Variants in TASP1 observed in about 807,000 individuals in gnomAD.
TASP1 encodes taspase 1, also known as threonine aspartase 1.
Under a neutral mutation model 56.6 loss-of-function variants are expected in TASP1, and 16 were observed. That is an observed-to-expected ratio of 0.28 (90% confidence interval 0.19 to 0.43). The LOEUF is 0.43. Ranked by LOEUF, TASP1 falls within the 20% of genes least tolerant of loss-of-function variation. The pLI, the probability that TASP1 is intolerant of heterozygous loss-of-function variation, is 1.00. For missense variants in TASP1, 393 were observed against 511.6 expected (o/e 0.77, Z 2.24); for synonymous variants, 179 against 184.2 (o/e 0.97, Z 0.23).
intron 8 of TASP1, among the ~76,000 whole-genome samples, chr20:13,550,467 T>C (rs1207335194): frequency 6.6e-6 from 1 of 152,030 alleles, no homozygotes; most frequent in Non-Finnish European, 1.5e-5. Flanking sequence ...ATTTTCAGTA[T>C]ATTACCTACA....
chr20:13,179,406 C>CATGTGTGTGTGTGTGT, the TASP1 span, among the ~76,000 whole-genome samples: 3 of 143,404 alleles, frequency 2.1e-5, no homozygotes, highest in African/African-American at 7.7e-5. Context: ...GAATTATGTG[C>CATGTGTGTGTGTGTGT]GTGTGTGTGT....
chr20:13,422,356 A>G lies in TASP1; in HGVS notation c.1097-4835T>C, dbSNP rs1373852507. On this transcript the variant is annotated intron_variant, in intron 12 of 13. Coordinates refer to ENST00000337743, the MANE Select transcript of TASP1 (RefSeq NM_017714.3). ...TCTTTGGCTTTCAAGTTACACAATAATGCTGTCCTCTATGCTTTTTTTATT... is the reference window on the plus strand; with the variant it reads ...TCTTTGGCTTTCAAGTTACACAATAGTGCTGTCCTCTATGCTTTTTTTATT... Among the ~76,000 whole-genome samples, 5 of 152,250 alleles carry G rather than the reference A, an allele frequency of 3.3e-5. No homozygotes were observed. The East Asian group carries it at 9.6e-4, about 29-fold the overall frequency.
chr20:13,266,343 A>G, the TASP1 span, among the ~76,000 whole-genome samples: 12 of 152,202 alleles, frequency 7.9e-5, no homozygotes, highest in Non-Finnish European at 1.5e-4. Flanking sequence ...TAATAGAAGG[A>G]GAGGAGCACC....
intron 11 of TASP1, among the ~76,000 whole-genome samples, chr20:13,437,311 C>T (rs2043038872): frequency 1.3e-5 from 2 of 152,136 alleles, no homozygotes; most frequent in Admixed American, 1.3e-4. Context: ...TTCAACAACG[C>T]TTCATGCTAA....
the TASP1 span, chr20:13,159,873 C>T: frequency 5.6e-6 from 7 of 1,246,618 alleles, no homozygotes; most frequent in African/African-American, 1.1e-4. Flanking sequence ...CAATCATCTT[C>T]CACTTATTAT....
At chr20:13,221,841 C>T in the TASP1 span, 4 of 1,443,200 alleles carry the variant, frequency 2.8e-6, no homozygotes, top group East Asian at 3.0e-5. Flanking sequence ...CTGCACATCA[C>T]CGTGCTGCGC....
chr20:13,173,466 G>A, the TASP1 span, among the ~76,000 whole-genome samples: 1 of 152,144 alleles, frequency 6.6e-6, no homozygotes, highest in Non-Finnish European at 1.5e-5. Context: ...AGTTCCTCAG[G>A]AAAGATATGC....
chr20:13,452,835 C>T (rs2146301381), intron 11 of TASP1, among the ~76,000 whole-genome samples: 1 of 152,126 alleles, frequency 6.6e-6, no homozygotes, highest in South Asian at 2.1e-4. Context: ...AGTCACAGCT[C>T]TTGACTATTT....
chr20:13,379,758 G>A, the TASP1 span, among the ~76,000 whole-genome samples: 1 of 151,970 alleles, frequency 6.6e-6, no homozygotes, highest in African/African-American at 2.4e-5. Flanking sequence ...ATATTTCTTG[G>A]AGGCTTTGTT....
At chr20:13,288,128 G>A in the TASP1 span, among the ~76,000 whole-genome samples, 124 of 152,298 alleles carry the variant, frequency 8.1e-4, no homozygotes, top group Admixed American at 2.4e-3. Context: ...TTAAGGTCAA[G>A]GCCAGCCCAG....
chr20:13,163,143 G>A, the TASP1 span, among the ~76,000 whole-genome samples: 28 of 152,146 alleles, frequency 1.8e-4, no homozygotes, highest in African/African-American at 5.8e-4. Context: ...TGAGGTGGGC[G>A]GATGACCTGA....
chr20:13,154,125 C>T, the TASP1 span: 1 of 1,614,032 alleles, frequency 6.2e-7, no homozygotes, highest in Non-Finnish European at 8.5e-7. Flanking sequence ...TCTTTATATG[C>T]CTGGTAAAGT....
At chr20:13,610,508 C>G (rs2048315898) in intron 4 of TASP1, among the ~76,000 whole-genome samples, 1 of 152,056 alleles carries the variant, frequency 6.6e-6, no homozygotes, top group South Asian at 2.1e-4. Context: ...AAGCTGTCCC[C>G]TTAAAATAAA....
chr20:13,435,879 C>T (rs901975864), intron 11 of TASP1, among the ~76,000 whole-genome samples: 2 of 152,132 alleles, frequency 1.3e-5, no homozygotes, highest in Non-Finnish European at 2.9e-5. Context: ...CAAAACCAAT[C>T]AAATTGGATT....
At chr20:13,283,218 A>G in the TASP1 span, among the ~76,000 whole-genome samples, 1 of 152,136 alleles carries the variant, frequency 6.6e-6, no homozygotes, top group African/African-American at 2.4e-5. Context: ...GTCAACAGGA[A>G]ACTTCAAGCA....
chr20:13,542,473 A>C (rs2045659756), intron 8 of TASP1, among the ~76,000 whole-genome samples: 1 of 152,220 alleles, frequency 6.6e-6, no homozygotes, highest in East Asian at 1.9e-4. Flanking sequence ...AGCAAGAAAA[A>C]TCAGTAAGAA....
At chr20:13,452,051 T>TACACATTTA (rs2043641832) in intron 11 of TASP1, among the ~76,000 whole-genome samples, 17 of 152,020 alleles carry the variant, frequency 1.1e-4, no homozygotes, top group Admixed American at 1.1e-3. Flanking sequence ...TACACACAGG[T>TACACATTTA]TTACAGTCTT....
the TASP1 span, among the ~76,000 whole-genome samples, chr20:13,338,750 A>G: frequency 6.6e-6 from 1 of 152,222 alleles, no homozygotes; most frequent in South Asian, 2.1e-4. Context: ...CCTTGAAGAT[A>G]TCCAAGAAAG....
intron 11 of TASP1, among the ~76,000 whole-genome samples, chr20:13,481,421 T>C (rs572774325): frequency 6.6e-5 from 10 of 152,134 alleles, no homozygotes; most frequent in African/African-American, 2.2e-4. Flanking sequence ...GCTTCCCTTC[T>C]TTTGGGGATA....
Sources: gnomAD v4.1 joint callset for allele counts (sites outside exome capture counted in the v4.1 genomes callset) on GRCh38, gnomAD v4.1.1 for gene constraint, MANE v1.5 for transcripts, NCBI Gene and HGNC (gene_info 2026-07-23, HGNC 2026-07-21) for gene names.